Variants in NLGN4Y observed in about 807,000 individuals in gnomAD.
The protein encoded by NLGN4Y is neuroligin-4, Y-linked.
In NLGN4Y, 4 loss-of-function variants were observed where a neutral mutation model predicts 8.4. That is an observed-to-expected ratio of 0.48 (90% confidence interval 0.23 to 1.09). NLGN4Y has a LOEUF of 1.09. Among genes scored for constraint, NLGN4Y ranks in the 50% least tolerant of loss-of-function variants. The pLI, the probability that NLGN4Y is intolerant of heterozygous loss-of-function variation, is 0.19. For missense variants in NLGN4Y, 90 were observed against 192.3 expected (o/e 0.47, Z 3.15); for synonymous variants, 35 against 75.6 (o/e 0.46, Z 2.78).
chrY:14,685,497 G>A, intron 2 of NLGN4Y, among the ~76,000 whole-genome samples: 1 of 32,598 alleles, frequency 3.1e-5, no homozygotes, highest in Non-Finnish European at 7.5e-5. Context: ...TATTTCTGAC[G>A]TTGGCGTGAA....
intron 2 of NLGN4Y, among the ~76,000 whole-genome samples, chrY:14,663,711 G>A (rs2080683149): frequency 3.1e-5 from 1 of 31,976 alleles, no homozygotes; most frequent in Non-Finnish European, 7.6e-5. Context: ...TCAAGAAGCT[G>A]AAGCAGGAGA....
At chrY:14,567,971 C>CT (rs767804529) in intron 1 of NLGN4Y, among the ~76,000 whole-genome samples, 17 of 29,123 alleles carry the variant, frequency 5.8e-4, no homozygotes, top group African/African-American at 7.9e-4. Flanking sequence ...TGTTTTCTTT[C>CT]TTTTTTTTTT....
chrY:14,580,390 G>A (rs2080314100), intron 1 of NLGN4Y, among the ~76,000 whole-genome samples: 1 of 31,232 alleles, frequency 3.2e-5, no homozygotes, highest in Admixed American at 3.0e-4. Flanking sequence ...TGGTCAAATG[G>A]TATTTCTACT....
At chrY:14,800,941 T>C (rs931291084) in intron 4 of NLGN4Y, among the ~76,000 whole-genome samples, 7 of 31,960 alleles carry the variant, frequency 2.2e-4, no homozygotes, top group African/African-American at 3.6e-4. Flanking sequence ...GGATTTAAAA[T>C]GATAAAGACA....
chrY:14,688,616 A>G (rs2080799826), intron 2 of NLGN4Y, among the ~76,000 whole-genome samples: 2 of 31,519 alleles, frequency 6.3e-5, no homozygotes, highest in African/African-American at 2.5e-4. Flanking sequence ...GAGATTGAAT[A>G]GAGGTAGGAA....
intron 4 of NLGN4Y, among the ~76,000 whole-genome samples, chrY:14,804,665 A>G: frequency 3.0e-5 from 1 of 33,502 alleles, no homozygotes; most frequent in Non-Finnish European, 7.3e-5. Flanking sequence ...CAAGCGCCCT[A>G]TAGAGCAGCA....
intron 4 of NLGN4Y, among the ~76,000 whole-genome samples, chrY:14,765,633 ACT>A (rs2081091859): frequency 3.0e-5 from 1 of 32,794 alleles, no homozygotes; most frequent in Non-Finnish European, 7.6e-5. Flanking sequence ...ATCCCTTAAC[ACT>A]CTGTTTGAGC....
intron 1 of NLGN4Y, among the ~76,000 whole-genome samples, chrY:14,552,592 C>A (rs756245764): frequency 3.0e-5 from 1 of 33,789 alleles, no homozygotes; most frequent in Non-Finnish European, 7.3e-5. Context: ...ATTGAGTCGA[C>A]TTCATCAATG....
chrY:14,676,386 T>C (rs2080749252), intron 2 of NLGN4Y, among the ~76,000 whole-genome samples: 1 of 33,947 alleles, frequency 2.9e-5, no homozygotes, highest in East Asian at 7.9e-4. Context: ...CAGTGGCGTC[T>C]TTTTAGTGAT....
intron 2 of NLGN4Y, among the ~76,000 whole-genome samples, chrY:14,691,191 A>G (rs1316695134): frequency 3.0e-5 from 1 of 33,340 alleles, no homozygotes; most frequent in Non-Finnish European, 7.4e-5. Flanking sequence ...AACTTCCCCA[A>G]GTACTCAGTA....
At chrY:14,839,633 T>C in intron 6 of NLGN4Y, among the ~76,000 whole-genome samples, 2 of 33,695 alleles carry the variant, frequency 5.9e-5, no homozygotes, top group Non-Finnish European at 1.5e-4. Flanking sequence ...CTGGACTCTG[T>C]CTTCAAAAAT....
intron 5 of NLGN4Y, among the ~76,000 whole-genome samples, chrY:14,827,422 A>C: frequency 3.0e-5 from 1 of 33,422 alleles, no homozygotes; most frequent in Non-Finnish European, 7.4e-5. Flanking sequence ...CTGCAAAAAT[A>C]CCTTTTTGTT....
At chrY:14,702,223 A>C in intron 2 of NLGN4Y, among the ~76,000 whole-genome samples, 1 of 32,272 alleles carries the variant, frequency 3.1e-5, no homozygotes, top group Non-Finnish European at 7.5e-5. Context: ...CAGGTTAGTT[A>C]CATATGTATA....
intron 1 of NLGN4Y, among the ~76,000 whole-genome samples, chrY:14,568,721 A>G (rs2150479223): frequency 3.0e-5 from 1 of 32,983 alleles, no homozygotes; most frequent in East Asian, 7.9e-4. Context: ...AGTGAGAAAC[A>G]TAGAGATAAT....
intron 1 of NLGN4Y, among the ~76,000 whole-genome samples, chrY:14,559,157 C>T (rs2080218811): frequency 3.0e-5 from 1 of 33,289 alleles, no homozygotes; most frequent in South Asian, 6.6e-4. Flanking sequence ...CATTCAGACC[C>T]TTGAAAGATG....
chrY:14,697,425 T>C (rs376208554), intron 2 of NLGN4Y, among the ~76,000 whole-genome samples: 22 of 30,535 alleles, frequency 7.2e-4, no homozygotes, highest in African/African-American at 2.7e-3. Flanking sequence ...TGGATAGATA[T>C]AGGTAGATAG....
chrY:14,702,432 G>A (rs2080854984), intron 2 of NLGN4Y, among the ~76,000 whole-genome samples: 10 of 31,856 alleles, frequency 3.1e-4, no homozygotes, highest in South Asian at 7.3e-4. Flanking sequence ...TTGTCCTTGC[G>A]ATAGTTTGCT....
chrY:14,595,273 G>A (rs1003958009), intron 1 of NLGN4Y, among the ~76,000 whole-genome samples: 4 of 32,832 alleles, frequency 1.2e-4, no homozygotes, highest in Non-Finnish European at 2.2e-4. Flanking sequence ...GTCCTTTGGA[G>A]ATTTCTTTGC....
At chrY:14,803,287 CTTG>C (rs2043044749) in intron 4 of NLGN4Y, among the ~76,000 whole-genome samples, 2 of 25,431 alleles carry the variant, frequency 7.9e-5, no homozygotes, top group East Asian at 1.9e-3. Flanking sequence ...TATATGTGAT[CTTG>C]TTAAGTATAA....
Sources: allele counts gnomAD v4.1 joint callset (sites outside exome capture counted in the v4.1 genomes callset), GRCh38; gene constraint gnomAD v4.1.1; transcripts MANE v1.5; gene names NCBI Gene and HGNC (gene_info 2026-07-23, HGNC 2026-07-21).